The following DAGLB variants were observed in gnomAD, a reference collection of about 807,000 sequenced individuals.
DAGLB encodes the protein diacylglycerol lipase-beta.
Under a neutral mutation model 72.1 loss-of-function variants are expected in DAGLB, and 66 were observed. That is an observed-to-expected ratio of 0.92 (90% CI 0.75 to 1.12). DAGLB has a LOEUF of 1.12. Ranked by LOEUF, DAGLB falls within the 50% of genes most tolerant of loss-of-function variation. DAGLB has a pLI of 0.00. For missense variants in DAGLB, 1,065 were observed against 884.9 expected, an observed-to-expected ratio of 1.20 and a Z score of -2.58; for synonymous variants, 414 against 359.5, an observed-to-expected ratio of 1.15 and a Z score of -1.71.
chr7:6,430,723 T>G, intron 5 of DAGLB, 116 bp from the exon 6 acceptor site: 2 of 1,202,430 alleles, frequency 1.7e-6, no homozygotes, highest in Non-Finnish European at 2.2e-6. Context: ...CTTCGTTGAA[T>G]AGAACTCTCA....
chr7:6,423,580 T>C (rs1039917867), intron 8 of DAGLB, among the ~76,000 whole-genome samples: 18 of 151,208 alleles, frequency 1.2e-4, no homozygotes, highest in Middle Eastern at 3.4e-3. Context: ...CCCGCCACCA[T>C]GCCCGGCTAA....
chr7:6,445,411 C>T (rs1459314816), intron 2 of DAGLB, among the ~76,000 whole-genome samples: 1 of 152,108 alleles, frequency 6.6e-6, no homozygotes, highest in African/African-American at 2.4e-5. Context: ...ATATGATGTC[C>T]ACAATAGGCA....
At chr7:6,439,779 C>T (rs836545) in intron 2 of DAGLB, among the ~76,000 whole-genome samples, 25,434 of 152,004 alleles carry the variant, frequency 0.17, 2,533 homozygotes, top group East Asian at 0.27. Flanking sequence ...AGGCCGGGTG[C>T]GGTGGCTCAT....
chr7:6,429,574 C>G (rs1784414611), intron 6 of DAGLB, among the ~76,000 whole-genome samples: 2 of 151,812 alleles, frequency 1.3e-5, no homozygotes, highest in Admixed American at 6.6e-5. Context: ...CCAGCCCGGT[C>G]AACATGGGGA....
chr7:6,419,717 C>G (rs971388954), intron 9 of DAGLB, among the ~76,000 whole-genome samples: 3 of 152,236 alleles, frequency 2.0e-5, no homozygotes, highest in Non-Finnish European at 4.4e-5. Flanking sequence ...TTTGCCTGAG[C>G]AGATCCACCC....
At chr7:6,423,285 G>A (rs1784192971) in intron 8 of DAGLB, among the ~76,000 whole-genome samples, 1 of 152,140 alleles carries the variant, frequency 6.6e-6, no homozygotes, top group African/African-American at 2.4e-5. Context: ...CTGGGGAGAT[G>A]AGACTAGACA....
At chr7:6,442,425 C>G (rs1784864342) in intron 2 of DAGLB, among the ~76,000 whole-genome samples, 1 of 151,886 alleles carries the variant, frequency 6.6e-6, no homozygotes, top group African/African-American at 2.4e-5. Flanking sequence ...AAAAATATCT[C>G]AACACAAACA....
intron 2 of DAGLB, among the ~76,000 whole-genome samples, chr7:6,443,875 T>G (rs896265534): frequency 1.8e-4 from 27 of 152,170 alleles, no homozygotes; most frequent in African/African-American, 6.0e-4. Context: ...CATCATCCTA[T>G]GAAGCAGAGG....
intron 2 of DAGLB, among the ~76,000 whole-genome samples, chr7:6,441,523 T>G (rs886222662): frequency 7.3e-5 from 11 of 150,990 alleles, no homozygotes; most frequent in Non-Finnish European, 1.6e-4. Context: ...GTTCAAGCGA[T>G]TCTCCTGCCT....
In DAGLB at chr7:6,429,917, G is replaced by A. The variant is rs375764329; in HGVS notation, c.929+563C>T. 6.6e-5 allele frequency among the ~76,000 whole-genome samples: 10 copies of A among 151,730 alleles called. No homozygotes were observed. In the East Asian group the frequency reaches 1.7e-3, roughly 27 times the overall value. ...AAATTAGCCAGCAGTGGTGGCGGGC[G>A]CCTGTAGTCCCAGTTACTCGGGAGG... On this transcript the variant is annotated intron_variant, in intron 6 of 14. Transcript: ENST00000297056.
Position 6,415,630 on chromosome 7 carries a change from GAC to G in DAGLB, c.1427+995_1427+996del, listed in dbSNP as rs542895159. Among the ~76,000 whole-genome samples, 1,274 of 151,544 alleles carry G rather than the reference GAC, an allele frequency of 8.4e-3. 23 individuals are homozygous for G. Among genetic ancestry groups the G allele is most frequent in the African/African-American group, 0.03 (1,220 of 41,326 alleles). On this transcript the variant is annotated intron_variant, in intron 11 of 14. Coordinates refer to ENST00000297056, the MANE Select transcript of DAGLB (RefSeq NM_139179.4). The stretch of plus-strand genomic sequence containing the variant: ...AAGGTGGCGGATCATGAGGTCAGAA[GAC>G]AGGAGATCGAGACCATCCTGGCTAA...
At chr7:6,414,469 C>T (rs113813330) in intron 11 of DAGLB, among the ~76,000 whole-genome samples, 88 of 151,776 alleles carry the variant, frequency 5.8e-4, no homozygotes, top group African/African-American at 1.9e-3. Flanking sequence ...CACGTCACCA[C>T]GTCCAGCTAA....
intron 2 of DAGLB, among the ~76,000 whole-genome samples, chr7:6,444,165 T>C (rs1477054611): frequency 6.6e-6 from 1 of 152,078 alleles, no homozygotes; most frequent in East Asian, 1.9e-4. Context: ...TTCCAGCTAC[T>C]TGGGGGTTGA....
chr7:6,418,858 G>A (rs1254521989), intron 9 of DAGLB, among the ~76,000 whole-genome samples: 1 of 151,794 alleles, frequency 6.6e-6, no homozygotes, highest in Non-Finnish European at 1.5e-5. Flanking sequence ...TAGAGACGGG[G>A]TTTCACCGTG....
rs748156438 is a variant in DAGLB, at chr7:6,446,477, C to CAAAAAAAAAA, written c.96-383_96-374dup. Among the ~76,000 whole-genome samples the CAAAAAAAAAA allele has an allele frequency of 3.8e-3, 221 of 58,666 alleles. 3 individuals carry two copies. Among genetic ancestry groups the CAAAAAAAAAA allele is most frequent in the East Asian group, 7.6e-3 (10 of 1,318 alleles). The allele number at this position is 58,666 out of a possible 152,430, so 38.5% of individuals were successfully genotyped here. On this transcript the variant is annotated intron_variant, in intron 1 of 14. Transcript: ENST00000297056. ...TGGGCAACGATATGAGACTCCGTCT[C>CAAAAAAAAAA]AAAAAAAAAAAAAAAAAAAAAAAAA...
At chr7:6,429,449 G>GA (rs1432488742) in intron 6 of DAGLB, among the ~76,000 whole-genome samples, 1 of 151,566 alleles carries the variant, frequency 6.6e-6, no homozygotes, top group African/African-American at 2.4e-5. Flanking sequence ...CTGGATTGGA[G>GA]AAAAAAATTG....
intron 9 of DAGLB, chr7:6,417,437 C>T (rs539466924): frequency 1.3e-5 from 2 of 153,942 alleles, no homozygotes; most frequent in Admixed American, 1.3e-4. Context: ...AAACAAAAAA[C>T]CCAAAACAAC....
intron 2 of DAGLB, among the ~76,000 whole-genome samples, chr7:6,439,594 C>A (rs1784764482): frequency 6.6e-6 from 1 of 152,180 alleles, no homozygotes; most frequent in African/African-American, 2.4e-5. Flanking sequence ...AGAGGAGATA[C>A]AAGGAGGCAT....
intron 11 of DAGLB, among the ~76,000 whole-genome samples, chr7:6,413,993 T>C (rs1430508651): frequency 6.6e-6 from 1 of 152,200 alleles, no homozygotes; most frequent in African/African-American, 2.4e-5. Flanking sequence ...CACCACATTC[T>C]ACCTCTGGGG....
Sources: gnomAD v4.1 joint callset for allele counts (sites outside exome capture counted in the v4.1 genomes callset) on GRCh38, gnomAD v4.1.1 for gene constraint, MANE v1.5 for transcripts, NCBI Gene and HGNC (gene_info 2026-07-23, HGNC 2026-07-21) for gene names.